Variants in DPP8 observed in about 807,000 individuals in gnomAD.
DPP8 encodes dipeptidyl peptidase 8.
A neutral mutation model predicts 107.5 loss-of-function variants in DPP8; 31 were observed. The observed-to-expected ratio is 0.29, with a 90% CI of 0.22 to 0.39. DPP8 has a LOEUF of 0.39. Among genes scored for constraint, DPP8 ranks in the 10% least tolerant of loss-of-function variants. The pLI, the probability that DPP8 is intolerant of heterozygous loss-of-function variation, is 1.00. For missense variants in DPP8, 842 were observed against 1,076.1 expected (o/e 0.78, Z 3.04); for synonymous variants, 381 against 356.6 (o/e 1.07, Z -0.77).
intron 12 of DPP8, among the ~76,000 whole-genome samples, chr15:65,469,572 G>A (rs1391308852): frequency 7.0e-6 from 1 of 143,010 alleles, no homozygotes; most frequent in African/African-American, 2.6e-5. Context: ...AGAATCGCTT[G>A]AACCTGGGAG....
At position 65,443,304 on chromosome 15, in the gene DPP8, C is replaced by A. The variant is rs2063364219; in HGVS notation, c.*3580G>T. ...CTGTGTGGTCGTGGGTATATTTCCT[C>A]CTCTCTCTCTAGCATGTAGGTTGTT... On this transcript the variant is annotated 3_prime_UTR_variant, in exon 20 of 20. Coordinates refer to ENST00000300141, the MANE Select transcript of DPP8 (RefSeq NM_130434.5). The A allele has an allele frequency of 1.3e-5, 2 of 152,120 alleles. No individual in the cohort carries two copies. 9.4% of individuals were successfully genotyped at this position (152,120 alleles called of 1,614,324 possible).
At position 65,454,296 on chromosome 15, in the gene DPP8, C is replaced by G; in HGVS notation, c.2238G>C (p.Leu746=). 3.2e-6 allele frequency: 5 copies of G among 1,574,346 alleles called. No homozygotes were observed. The highest frequency in any genetic ancestry group is 4.3e-6 in the Non-Finnish European group (5 of 1,167,156). ...HGWSYGGYLS[L]MALMQRSDIF... is the part of the protein sequence containing the mutation. ...TATCTGACCTCTGCATTAATGCCAT[C>G]AGGGAGAGGTATCCTCCATAGGACC... Residue 746 remains leucine (L), a synonymous_variant, in exon 17 of 20, where the codon CTG becomes CTC. Coordinates refer to ENST00000300141, the MANE Select transcript of DPP8 (RefSeq NM_130434.5).
At position 65,451,662 on chromosome 15, in the gene DPP8, T is replaced by C. The variant is rs602432; in HGVS notation, c.2414+298A>G. ...GAATTAGGCTGTGCCCGGTGGCTCATGCCTGTAATCCCAGCACTTTGGGAG... is the reference window on the plus strand; with the variant it reads ...GAATTAGGCTGTGCCCGGTGGCTCACGCCTGTAATCCCAGCACTTTGGGAG... On this transcript the variant is annotated intron_variant, in intron 18 of 19. Coordinates refer to ENST00000300141, the MANE Select transcript of DPP8 (RefSeq NM_130434.5). Among the ~76,000 whole-genome samples the C allele has an allele frequency of 5.9e-3, 902 of 152,268 alleles. 9 individuals are homozygous for C. The highest frequency in any genetic ancestry group is 0.019 in the African/African-American group (804 of 41,558).
In DPP8 at chr15:65,442,538, A is replaced by C. The variant is rs967107651; in HGVS notation, c.*4346T>G. ...TGCAAGAAAACTAATGTTTCACTTT[A>C]CATGATTAAAAGCCATATACCTAAA... On this transcript the variant is annotated 3_prime_UTR_variant, in exon 20 of 20. Transcript: ENST00000300141. 6.6e-6 allele frequency: 1 copy of C among 152,242 alleles called. No individual in the cohort carries two copies. Among genetic ancestry groups the C allele is most frequent in the African/African-American group, 2.4e-5 (1 of 41,464 alleles). 9.4% of individuals were successfully genotyped at this position (152,242 alleles called of 1,614,324 possible).
Position 65,492,234 on chromosome 15 carries a change from C to T in DPP8, c.716-1935G>A, listed in dbSNP as rs141792505. ...GCAGGTGCCTATGGTCCCAGTTACT[C>T]GGGAGGCTGAGGTAGGAGAATCACT... is the stretch of plus-strand genomic sequence containing the variant. On this transcript the variant is annotated intron_variant, in intron 5 of 19. Coordinates refer to ENST00000300141, the MANE Select transcript of DPP8 (RefSeq NM_130434.5). Among the ~76,000 whole-genome samples the T allele has an allele frequency of 3.5e-3, 524 of 151,816 alleles. 3 individuals carry two copies. Among genetic ancestry groups the T allele is most frequent in the African/African-American group, 0.012 (503 of 41,436 alleles).
At chr15:65,512,128 T>TA (rs1440992570) in intron 2 of DPP8, 167 bp downstream of exon 2, 9 of 759,968 alleles carry the variant, frequency 1.2e-5, no homozygotes, top group Non-Finnish European at 1.8e-5. Flanking sequence ...AAAATAAAGT[T>TA]AATGCGATAC....
chr15:65,467,154 G>C lies in DPP8; in HGVS notation c.1606C>G (p.Leu536Val), dbSNP rs375352055. ...GTKDSPLEHH[L>V]YVVSYVNPGE... is the part of the protein sequence containing the mutation. ...GGATTTACGTAACTGACTACGTACA[G>C]GTGATGCTCTAAAGGGGAGTCTTTG... The change falls in exon 13 of 20, where the codon CTG becomes GTG. Residue 536 changes from leucine (L) to valine (V), a missense_variant. Physicochemically the swap from Leu to Val is conservative, Grantham distance 32. Coordinates refer to ENST00000300141, the MANE Select transcript of DPP8 (RefSeq NM_130434.5). The C allele has an allele frequency of 1.2e-6, 2 of 1,614,038 alleles. No individual in the cohort carries two copies. Among genetic ancestry groups the C allele is most frequent in the Non-Finnish European group, 1.7e-6 (2 of 1,179,950 alleles).
In DPP8 at chr15:65,480,364, C is replaced by A. The variant is rs147974541; in HGVS notation, c.1154G>T (p.Arg385Leu). ...WSILLDRSQT[R>L]LQIVLISPEL... ...AGGTGAGATCAACACTATCTGTAGG[C>A]GAGTCTGGGAGCGATCTAGTAGGAT... The change falls in exon 10 of 20, where the codon CGC (arginine) becomes CTC (leucine). Residue 385 changes from arginine to leucine, a missense_variant. Transcript: ENST00000300141. The A allele has an allele frequency of 6.2e-7, 1 of 1,612,776 alleles. No individual in the cohort carries two copies. Among genetic ancestry groups the A allele is most frequent in the South Asian group, 1.1e-5 (1 of 91,048 alleles).
chr15:65,466,437 CT>C (rs1231423226), intron 14 of DPP8, among the ~76,000 whole-genome samples: 1 of 152,146 alleles, frequency 6.6e-6, no homozygotes, highest in African/African-American at 2.4e-5. Context: ...TGCACCTGGC[CT>C]TAACCTTATT....
intron 2 of DPP8, among the ~76,000 whole-genome samples, chr15:65,510,548 TCTTTA>T (rs1157187731): frequency 6.6e-6 from 1 of 151,932 alleles, no homozygotes; most frequent in Non-Finnish European, 1.5e-5. Context: ...CTTTTTTTTT[TCTTTA>T]CTTGAGACGA....
intron 2 of DPP8, among the ~76,000 whole-genome samples, chr15:65,509,913 TG>T (rs1243724811): frequency 6.6e-6 from 1 of 151,906 alleles, no homozygotes; most frequent in Non-Finnish European, 1.5e-5. Flanking sequence ...CCCAGCTACT[TG>T]GGAGGCTGAG....
intron 5 of DPP8, among the ~76,000 whole-genome samples, chr15:65,495,369 A>G (rs2456008): frequency 0.94 from 143,218 of 152,128 alleles, 67,412 homozygotes; most frequent in Admixed American, 0.96. Flanking sequence ...TTTGGGAGGC[A>G]GAGGTGGACG....
chr15:65,473,347 T>C (rs1329198555), intron 12 of DPP8, among the ~76,000 whole-genome samples: 3 of 138,458 alleles, frequency 2.2e-5, no homozygotes, highest in Non-Finnish European at 4.7e-5. Context: ...AAAAGAAGAA[T>C]AGAGGGAAAA....
rs1230803770 is a variant in DPP8, at chr15:65,444,522, G to A, written c.*2362C>T. The A allele has an allele frequency of 6.6e-6, 1 of 152,158 alleles. No individual in the cohort carries two copies. The highest frequency in any genetic ancestry group is 1.5e-5 in the Non-Finnish European group (1 of 68,028). The allele number at this position is 152,158 out of a possible 1,614,324, so 9.4% of individuals were successfully genotyped here. ...TCTACTGATTGCCTCAATTGACTAT[G>A]ATATTTTCCACACTGATTGTAAAAA... On this transcript the variant is annotated 3_prime_UTR_variant, in exon 20 of 20. Transcript: ENST00000300141.
intron 5 of DPP8, among the ~76,000 whole-genome samples, chr15:65,496,906 T>C (rs943202208): frequency 1.3e-5 from 2 of 152,092 alleles, no homozygotes; most frequent in African/African-American, 4.8e-5. Flanking sequence ...TTTTATTTTT[T>C]TGAGACAGGG....
Position 65,500,618 on chromosome 15 carries a change from T to C in DPP8, c.534A>G (p.Pro178=), listed in dbSNP as rs1596089040. 1 of 1,613,954 alleles carries C rather than the reference T, an allele frequency of 6.2e-7. No homozygotes were observed. The highest frequency in any genetic ancestry group is 8.5e-7 in the Non-Finnish European group (1 of 1,179,862). ...AACTCCAACTTACCGTAAATCCTTG[T>C]GGCCCTCCATCTTTTACGTGATAAA... ...SGIYHVKDGG[P]QGFTQQPLRP... is the part of the protein sequence containing the mutation. The change falls in exon 4 of 20, where the codon CCA becomes CCG. Residue 178 remains proline, a synonymous_variant. Coordinates refer to ENST00000300141, the MANE Select transcript of DPP8 (RefSeq NM_130434.5).
Position 65,490,149 on chromosome 15 carries a change from CT to C in DPP8, c.826+39del, listed in dbSNP as rs1365653021. The C allele has an allele frequency of 2.9e-6, 3 of 1,020,286 alleles. No homozygotes were observed. In the African/African-American group the frequency reaches 4.8e-5, roughly 16 times the overall value. 63.2% of individuals were successfully genotyped at this position (1,020,286 alleles called of 1,614,324 possible). Reference sequence around the variant, plus strand: ...AAATGACAGTTGAATCTTAACAATACTTTAATTGACCCATAATATATTATTT... The same window carrying C: ...AAATGACAGTTGAATCTTAACAATACTTAATTGACCCATAATATATTATTT... On this transcript the variant is annotated intron_variant, in intron 6 of 19. Transcript: ENST00000300141.
Position 65,454,397 on chromosome 15 carries a change from C to G in DPP8, c.2137G>C (p.Asp713His). 1 of 1,595,706 alleles carries G rather than the reference C, an allele frequency of 6.3e-7. No individual in the cohort carries two copies. ...KYKMGQIEID[D>H]QVEGLQYLAS... ...AGATATTGGAGTCCTTCCACCTGAT[C>G]GTCAATTTCTATTTGACCCTGTCAA... The change falls in exon 17 of 20, where the codon GAT (aspartate) becomes CAT (histidine). Residue 713 changes from aspartate to histidine, a missense_variant. Asp to His is a moderately conservative substitution (Grantham distance 81). Coordinates refer to ENST00000300141, the MANE Select transcript of DPP8 (RefSeq NM_130434.5).
intron 19 of DPP8, among the ~76,000 whole-genome samples, chr15:65,448,868 ATATAT>A (rs2063713906): frequency 1.8e-4 from 1 of 5,638 alleles, no homozygotes; most frequent in Non-Finnish European, 3.1e-4. Flanking sequence ...TATCTAAAAT[ATATAT>A]ATATATATAT....
Sources: allele counts gnomAD v4.1 joint callset (sites outside exome capture counted in the v4.1 genomes callset), GRCh38; gene constraint gnomAD v4.1.1; transcripts MANE v1.5; gene names NCBI Gene and HGNC (gene_info 2026-07-23, HGNC 2026-07-21).